Variants in CACNA1C observed in about 807,000 individuals in gnomAD.
CACNA1C encodes the protein calcium voltage-gated channel subunit alpha1 C, also known as voltage-dependent L-type calcium channel subunit alpha-1C.
A neutral mutation model predicts 229.0 loss-of-function variants in CACNA1C; 30 were observed. That is an observed-to-expected ratio of 0.13 (90% CI 0.10 to 0.18). CACNA1C has a LOEUF of 0.18. Ranked by LOEUF, CACNA1C falls within the 10% of genes least tolerant of loss-of-function variation. The pLI is 1.00. For synonymous variants in CACNA1C, 1,114 were observed against 1,132.5 expected (o/e 0.98, Z 0.33); for missense variants, 1,658 against 2,845.0 (o/e 0.58, Z 9.49).
chr12:2,494,254 T>G (rs1353118702), intron 7 of CACNA1C, among the ~76,000 whole-genome samples: 1 of 152,358 alleles, frequency 6.6e-6, no homozygotes, highest in East Asian at 1.9e-4. Context: ...TTTGCTGCGC[T>G]TTGAGCCTCT....
At chr12:2,214,632 G>A (rs1396771688) in intron 3 of CACNA1C, among the ~76,000 whole-genome samples, 2 of 96,128 alleles carry the variant, frequency 2.1e-5, no homozygotes, top group African/African-American at 5.0e-5. Context: ...GAGCCTGAAG[G>A]GGATGGCCCT....
chr12:2,513,647 T>G (rs1352624870), intron 9 of CACNA1C, among the ~76,000 whole-genome samples: 1 of 152,196 alleles, frequency 6.6e-6, no homozygotes, highest in Admixed American at 6.5e-5. Context: ...ATGGATGACA[T>G]TGACTCACAA....
chr12:2,082,902 A>G (rs1489392746), intron 1 of CACNA1C, among the ~76,000 whole-genome samples: 1 of 152,256 alleles, frequency 6.6e-6, no homozygotes, highest in South Asian at 2.1e-4. Context: ...ATATGTGTAC[A>G]TACACACACT....
At chr12:2,135,212 A>T (rs2154179621) in intron 3 of CACNA1C, among the ~76,000 whole-genome samples, 1 of 142,760 alleles carries the variant, frequency 7.0e-6, no homozygotes, top group African/African-American at 2.7e-5. Flanking sequence ...ATTCTTCTAA[A>T]TTTTTTTCAA....
intron 30 of CACNA1C, among the ~76,000 whole-genome samples, chr12:2,635,866 G>A (rs1008563330): frequency 6.6e-6 from 1 of 152,132 alleles, no homozygotes; most frequent in South Asian, 2.1e-4. Context: ...ATGTGTGTAT[G>A]TGTGTGAGTG....
intron 3 of CACNA1C, among the ~76,000 whole-genome samples, chr12:2,161,611 T>C (rs1001732407): frequency 2.6e-5 from 4 of 152,232 alleles, no homozygotes; most frequent in African/African-American, 9.6e-5. Context: ...TGATGGGGAC[T>C]GTGGCCTACT....
At chr12:2,477,899 A>T (rs2099638722) in intron 5 of CACNA1C, among the ~76,000 whole-genome samples, 1 of 151,928 alleles carries the variant, frequency 6.6e-6, no homozygotes, top group Non-Finnish European at 1.5e-5. Flanking sequence ...GTGTGAGGAG[A>T]TGGTGGGACA....
intron 1 of CACNA1C, among the ~76,000 whole-genome samples, chr12:1,984,845 C>T (rs866361015): frequency 1.5e-5 from 2 of 137,722 alleles, no homozygotes; most frequent in African/African-American, 5.4e-5. Flanking sequence ...GTCTTTATTT[C>T]ACCTTCATTC....
upstream of CACNA1C, chr12:2,048,692 T>C (rs2051512076): frequency 6.6e-6 from 1 of 152,316 alleles, no homozygotes; most frequent in Non-Finnish European, 1.5e-5. Flanking sequence ...AAGGGACACC[T>C]TGCAGACTTG....
chr12:2,530,580 CAG>C (rs1047217279), intron 9 of CACNA1C, among the ~76,000 whole-genome samples: 4 of 152,164 alleles, frequency 2.6e-5, no homozygotes, highest in Non-Finnish European at 4.4e-5. Flanking sequence ...TTCTGAATGG[CAG>C]AGAGTGGGTT....
chr12:2,602,079 G>A lies in CACNA1C; in HGVS notation c.2960+119G>A. 2.9e-6 allele frequency: 2 copies of A among 696,970 alleles called. No individual in the cohort carries two copies. The highest frequency in any genetic ancestry group is 3.5e-5 in the African/African-American group (2 of 57,594). 43.2% of individuals were successfully genotyped at this position (696,970 alleles called of 1,614,324 possible). On this transcript the variant is annotated intron_variant, in intron 22 of 46. Coordinates refer to ENST00000399655, the MANE Select transcript of CACNA1C (RefSeq NM_000719.7). This position sits in a 1 kb window ranked among gnomAD's most constrained non-coding sequence, Gnocchi z 4.4. ...CACCGCAGTGTGATGAGAGTGGGGT[G>A]GGGCCTCCAAAGCTGTGCATGGTGG...
chr12:2,087,634 T>G (rs527779510), intron 1 of CACNA1C, among the ~76,000 whole-genome samples: 1 of 152,184 alleles, frequency 6.6e-6, no homozygotes. Flanking sequence ...AAGAAAAAAA[T>G]CATAAATTCC....
chr12:2,019,367 G>A (rs987876625), intron 1 of CACNA1C, among the ~76,000 whole-genome samples: 2 of 152,030 alleles, frequency 1.3e-5, no homozygotes, highest in Non-Finnish European at 2.9e-5. Flanking sequence ...AGGAGGCTGA[G>A]GCAGATCACT....
intron 3 of CACNA1C, among the ~76,000 whole-genome samples, chr12:2,142,189 T>C (rs1016944242): frequency 1.3e-5 from 2 of 151,064 alleles, no homozygotes; most frequent in African/African-American, 4.8e-5. Flanking sequence ...CCAAGGACCG[T>C]GTGGGGTGGA....
intron 3 of CACNA1C, among the ~76,000 whole-genome samples, chr12:2,347,054 C>A (rs1357614626): frequency 2.0e-5 from 3 of 152,166 alleles, no homozygotes; most frequent in Non-Finnish European, 4.4e-5. Flanking sequence ...GATCACACCG[C>A]AGTTTTAGCC....
In CACNA1C at chr12:1,989,282, G is replaced by A. The variant is rs562433471; in HGVS notation, c.139+18081G>A. On this transcript the variant is annotated intron_variant, in intron 1 of 46. Transcript: ENST00000682462. ...GCCCAGGAGTTCAAGGTTGCAATGA[G>A]GCTATGACCAATGCCATGGCACTCC... 3.9e-3 allele frequency among the ~76,000 whole-genome samples: 587 copies of A among 152,336 alleles called. 4 individuals carry two copies. The highest frequency in any genetic ancestry group is 0.013 in the African/African-American group (557 of 41,570).
intron 29 of CACNA1C, among the ~76,000 whole-genome samples, chr12:2,627,893 C>G (rs758563): frequency 0.85 from 130,015 of 152,208 alleles, 58,024 homozygotes; most frequent in East Asian, 1. Flanking sequence ...GGGGAAACCA[C>G]GTGTTCAGAG....
At chr12:2,561,885 A>G (rs2047665077) in intron 11 of CACNA1C, among the ~76,000 whole-genome samples, 1 of 152,184 alleles carries the variant, frequency 6.6e-6, no homozygotes. Context: ...TCCCTATTTT[A>G]TCATTTAATT....
chr12:2,358,580 A>C (rs1053171541), intron 3 of CACNA1C, among the ~76,000 whole-genome samples: 1 of 152,256 alleles, frequency 6.6e-6, no homozygotes, highest in African/African-American at 2.4e-5. Context: ...TTGGGAAGAC[A>C]AAAATTATCA....
Sources: gnomAD v4.1 joint callset for allele counts (sites outside exome capture counted in the v4.1 genomes callset) on GRCh38, gnomAD v4.1.1 for gene constraint, Gnocchi (gnomAD v3.1) non-coding constraint, MANE v1.5 for transcripts, NCBI Gene and HGNC (gene_info 2026-07-23, HGNC 2026-07-21) for gene names.